The following CFTR variants were observed in gnomAD, a reference collection of about 807,000 sequenced individuals.
The protein encoded by CFTR is CF transmembrane conductance regulator.
In CFTR, 181 loss-of-function variants were observed where a neutral mutation model predicts 171.6. The observed-to-expected ratio is 1.05, with a 90% CI of 0.93 to 1.19. The LOEUF is 1.19. Ranked by LOEUF, CFTR falls within the 50% of genes most tolerant of loss-of-function variation. The pLI, the probability that CFTR is intolerant of heterozygous loss-of-function variation, is 0.00. For synonymous variants in CFTR, 583 were observed against 608.0 expected, an observed-to-expected ratio of 0.96 and a Z score of 0.60; for missense variants, 1,968 against 1,734.7, an observed-to-expected ratio of 1.13 and a Z score of -2.39.
At chr7:117,532,941 A>T (rs1798886618) in intron 4 of CFTR, among the ~76,000 whole-genome samples, 1 of 152,110 alleles carries the variant, frequency 6.6e-6, no homozygotes, top group African/African-American at 2.4e-5. Context: ...CATGGCCAGG[A>T]TATGTGGGAC....
intron 23 of CFTR, among the ~76,000 whole-genome samples, chr7:117,650,385 G>A (rs532130547): frequency 2.0e-5 from 3 of 152,240 alleles, no homozygotes; most frequent in South Asian, 4.1e-4. Context: ...AGATGGGAAA[G>A]CCTAGGGGTA....
intron 5 of CFTR, among the ~76,000 whole-genome samples, 194 bp downstream of exon 5, chr7:117,534,559 C>G (rs1302693700): frequency 2.0e-5 from 3 of 152,186 alleles, no homozygotes; most frequent in African/African-American, 7.2e-5. Context: ...AACCACCCAA[C>G]TCAAAGGCAC....
At chr7:117,483,655 G>A (rs995642870) in intron 1 of CFTR, among the ~76,000 whole-genome samples, 1 of 152,052 alleles carries the variant, frequency 6.6e-6, no homozygotes, top group Non-Finnish European at 1.5e-5. Context: ...CACCTCCTGG[G>A]CTCAAGTGAG....
chr7:117,609,538 G>A (rs1792350853), intron 18 of CFTR, among the ~76,000 whole-genome samples: 1 of 152,096 alleles, frequency 6.6e-6, no homozygotes, highest in Admixed American at 6.6e-5. Flanking sequence ...TTTTAAAAAT[G>A]TATGTATTTG....
At chr7:117,498,184 G>A (rs1271606398) in intron 1 of CFTR, among the ~76,000 whole-genome samples, 1 of 152,074 alleles carries the variant, frequency 6.6e-6, no homozygotes, top group Non-Finnish European at 1.5e-5. Flanking sequence ...GTTCTCCAGA[G>A]CTTCTGAAAT....
intron 11 of CFTR, among the ~76,000 whole-genome samples, chr7:117,581,597 A>T (rs954597026): frequency 6.6e-6 from 1 of 152,206 alleles, no homozygotes; most frequent in Non-Finnish European, 1.5e-5. Context: ...AGATATTATT[A>T]TACCCATTTT....
chr7:117,493,042 C>T (rs780624061), intron 1 of CFTR, among the ~76,000 whole-genome samples: 17 of 151,928 alleles, frequency 1.1e-4, no homozygotes, highest in Non-Finnish European at 2.5e-4. Context: ...AGCGGGAGCT[C>T]CTGCAGAGTT....
chr7:117,508,307 A>G lies in CFTR; in HGVS notation c.165-727A>G, dbSNP rs1014964494. Among the ~76,000 whole-genome samples the G allele has an allele frequency of 2.6e-5, 4 of 152,204 alleles. No individual in the cohort carries two copies. The East Asian group carries it at 5.8e-4, about 22-fold the overall frequency. On this transcript the variant is annotated intron_variant, in intron 2 of 26. Coordinates refer to ENST00000003084, the MANE Select transcript of CFTR (RefSeq NM_000492.4). The stretch of plus-strand genomic sequence containing the variant: ...CTTTCATTAACAGAAATCAGTGGCA[A>G]TAACTTAATAAATACAATCAGCTGG...
intron 22 of CFTR, among the ~76,000 whole-genome samples, chr7:117,637,362 G>C (rs1260383964): frequency 6.6e-6 from 1 of 151,984 alleles, no homozygotes; most frequent in African/African-American, 2.4e-5. Context: ...GAAGTATTCT[G>C]TAGTCCTATG....
intron 11 of CFTR, among the ~76,000 whole-genome samples, chr7:117,564,066 A>T (rs2115953109): frequency 6.6e-6 from 1 of 152,324 alleles, no homozygotes; most frequent in African/African-American, 2.4e-5. Context: ...TACATGGTCA[A>T]TTCCTTGAAA....
chr7:117,645,255 C>T (rs547216537), intron 23 of CFTR, among the ~76,000 whole-genome samples: 1 of 152,244 alleles, frequency 6.6e-6, no homozygotes, highest in African/African-American at 2.4e-5. Flanking sequence ...CTCCTACATG[C>T]TTAACATTAT....
intron 15 of CFTR, among the ~76,000 whole-genome samples, chr7:117,596,730 C>G (rs886656948): frequency 2.6e-5 from 4 of 152,296 alleles, no homozygotes; most frequent in Non-Finnish European, 5.9e-5. Flanking sequence ...CACTCTGTAT[C>G]TAGTTAATCT....
intron 4 of CFTR, among the ~76,000 whole-genome samples, chr7:117,532,086 A>C (rs1798874650): frequency 6.6e-6 from 1 of 152,066 alleles, no homozygotes. Flanking sequence ...TTAAAAAAAA[A>C]AAACAAAAAA....
At chr7:117,495,039 G>T (rs1413264933) in intron 1 of CFTR, among the ~76,000 whole-genome samples, 3 of 152,008 alleles carry the variant, frequency 2.0e-5, no homozygotes, top group Non-Finnish European at 4.4e-5. Flanking sequence ...AAATCTTAAG[G>T]CCAATCCATT....
At chr7:117,567,539 G>A (rs1791621810) in intron 11 of CFTR, among the ~76,000 whole-genome samples, 1 of 152,136 alleles carries the variant, frequency 6.6e-6, no homozygotes, top group Non-Finnish European at 1.5e-5. Flanking sequence ...AGTTATCCTT[G>A]AATTAGATTT....
chr7:117,484,925 G>A (rs1798048381), intron 1 of CFTR, among the ~76,000 whole-genome samples: 1 of 151,990 alleles, frequency 6.6e-6, no homozygotes, highest in South Asian at 2.1e-4. Flanking sequence ...GAGAGAAGTG[G>A]AATCTATTTT....
intron 20 of CFTR, among the ~76,000 whole-genome samples, chr7:117,612,410 C>A (rs571998479): frequency 6.9e-4 from 105 of 151,756 alleles, no homozygotes; most frequent in Non-Finnish European, 1.1e-3. Flanking sequence ...AAAGAAAGTG[C>A]CATGTTTTTC....
At chr7:117,531,310 T>A (rs1798862399) in intron 4 of CFTR, among the ~76,000 whole-genome samples, 196 bp downstream of exon 4, 1 of 152,200 alleles carries the variant, frequency 6.6e-6, no homozygotes, top group Non-Finnish European at 1.5e-5. Flanking sequence ...AACTGATAAT[T>A]ATTGAGTATC....
Position 117,543,359 on chromosome 7 carries a change from C to T in CFTR, c.1209+1251C>T, listed in dbSNP as rs114276290. Among the ~76,000 whole-genome samples, 616 of 152,230 alleles carry T rather than the reference C, an allele frequency of 4.0e-3. 6 individuals carry two copies. Among genetic ancestry groups the T allele is most frequent in the African/African-American group, 0.013 (528 of 41,546 alleles). ...TGATTTTAGGAATTTCAAGTGTCTT[C>T]GTCGGCATGAAGGAAAAATATGCAG... On this transcript the variant is annotated intron_variant, in intron 9 of 26. Coordinates refer to ENST00000003084, the MANE Select transcript of CFTR (RefSeq NM_000492.4).
Sources: gnomAD v4.1 joint callset for allele counts (sites outside exome capture counted in the v4.1 genomes callset) on GRCh38, gnomAD v4.1.1 for gene constraint, MANE v1.5 for transcripts, NCBI Gene and HGNC (gene_info 2026-07-23, HGNC 2026-07-21) for gene names.